Variants in DLGAP2 observed in about 807,000 individuals in gnomAD.
The protein encoded by DLGAP2 is disks large-associated protein 2.
A neutral mutation model predicts 100.3 loss-of-function variants in DLGAP2; 26 were observed. The observed-to-expected ratio is 0.26, with a 90% CI of 0.19 to 0.36. DLGAP2 has a LOEUF of 0.36. Among genes scored for constraint, DLGAP2 ranks in the 10% least tolerant of loss-of-function variants. The probability of loss-of-function intolerance (pLI) is 1.00; values close to 1 mark genes in which losing one functional copy is unlikely to be tolerated. For missense variants in DLGAP2, 1,858 were observed against 1,453.2 expected, an observed-to-expected ratio of 1.28 and a Z score of -4.53; for synonymous variants, 886 against 630.1, an observed-to-expected ratio of 1.41 and a Z score of -6.08.
chr8:981,822 C>T (rs1302285401), intron 2 of DLGAP2, among the ~76,000 whole-genome samples: 1 of 152,176 alleles, frequency 6.6e-6, no homozygotes, highest in South Asian at 2.1e-4. Flanking sequence ...TTAATCTCTT[C>T]TCAGATGTTT....
chr8:1,269,320 C>G (rs558219183), intron 3 of DLGAP2, among the ~76,000 whole-genome samples: 2 of 152,178 alleles, frequency 1.3e-5, no homozygotes, highest in South Asian at 2.1e-4. Context: ...TGCAGAGGCT[C>G]CTGGTACGGG....
intron 1 of DLGAP2, among the ~76,000 whole-genome samples, chr8:799,819 G>A (rs1796110415): frequency 1.3e-5 from 2 of 152,174 alleles, no homozygotes; most frequent in East Asian, 3.9e-4. Context: ...CTGATTGCGA[G>A]CTCCTGGGCT....
At chr8:875,292 T>C (rs1475470137) in intron 1 of DLGAP2, among the ~76,000 whole-genome samples, 1 of 152,160 alleles carries the variant, frequency 6.6e-6, no homozygotes, top group African/African-American at 2.4e-5. Context: ...TTTACTTTTT[T>C]CCCCTCATAT....
At chr8:1,666,914 C>T (rs1390743179) in intron 8 of DLGAP2, among the ~76,000 whole-genome samples, 4 of 152,108 alleles carry the variant, frequency 2.6e-5, no homozygotes, top group African/African-American at 4.8e-5. Flanking sequence ...CTGCAGCAGC[C>T]GGCAGCTGCT....
intron 2 of DLGAP2, among the ~76,000 whole-genome samples, chr8:1,031,353 A>G (rs145589155): frequency 1.2e-4 from 19 of 152,112 alleles, no homozygotes; most frequent in African/African-American, 4.3e-4. Flanking sequence ...ACAGTTGGGA[A>G]GCCCTGAGGA....
chr8:981,335 T>C (rs930189218), intron 2 of DLGAP2, among the ~76,000 whole-genome samples: 1 of 152,118 alleles, frequency 6.6e-6, no homozygotes, highest in Non-Finnish European at 1.5e-5. Flanking sequence ...ATGGGGACTT[T>C]GGCTGTGTCC....
At chr8:1,522,457 C>T (rs1800638990) in intron 4 of DLGAP2, among the ~76,000 whole-genome samples, 1 of 152,218 alleles carries the variant, frequency 6.6e-6, no homozygotes, top group African/African-American at 2.4e-5. Flanking sequence ...ATCCACAGTG[C>T]TGGGGCCAAG....
At chr8:923,581 A>C (rs1798757299) in intron 2 of DLGAP2, among the ~76,000 whole-genome samples, 1 of 152,212 alleles carries the variant, frequency 6.6e-6, no homozygotes, top group Non-Finnish European at 1.5e-5. Context: ...GGTGACGTTT[A>C]AGTGTATCTT....
intron 2 of DLGAP2, among the ~76,000 whole-genome samples, chr8:1,174,729 C>T (rs1374598125): frequency 1.3e-5 from 2 of 152,034 alleles, no homozygotes; most frequent in South Asian, 4.2e-4. Flanking sequence ...CCATCATTAC[C>T]ATGACCAAAA....
chr8:767,440 C>T (rs1333869852), intron 1 of DLGAP2, among the ~76,000 whole-genome samples: 1 of 149,708 alleles, frequency 6.7e-6, no homozygotes, highest in Non-Finnish European at 1.5e-5. Context: ...TGGCTCACTG[C>T]AAGCTCTGCC....
chr8:914,295 A>G (rs575766634), intron 2 of DLGAP2, among the ~76,000 whole-genome samples: 2 of 152,168 alleles, frequency 1.3e-5, no homozygotes, highest in African/African-American at 4.8e-5. Flanking sequence ...GCCACCTTCC[A>G]TGGGCTGGGG....
At chr8:1,524,592 C>T (rs748125166) in intron 4 of DLGAP2, among the ~76,000 whole-genome samples, 4 of 152,174 alleles carry the variant, frequency 2.6e-5, no homozygotes, top group Non-Finnish European at 4.4e-5. Context: ...CTTGTGTCCT[C>T]ACAGCGTCAT....
chr8:1,548,560 A>G lies in DLGAP2; in HGVS notation c.173-66A>G. The G allele has an allele frequency of 5.1e-6, 7 of 1,385,556 alleles. No homozygotes were observed. The South Asian group carries it at 1.0e-4, about 21-fold the overall frequency. The allele number at this position is 1,385,556 out of a possible 1,614,324, so 85.8% of individuals were successfully genotyped here. Reference sequence around the variant, plus strand: ...ATGAAGTCCACGGTGGGGGTCACATATTCCCCGCACCTGAGGGTTTCCGCC... The same window carrying G: ...ATGAAGTCCACGGTGGGGGTCACATGTTCCCCGCACCTGAGGGTTTCCGCC... On this transcript the variant is annotated intron_variant, in intron 4 of 14. Coordinates refer to ENST00000637795, the MANE Select transcript of DLGAP2 (RefSeq NM_001346810.2).
intron 2 of DLGAP2, among the ~76,000 whole-genome samples, chr8:1,067,481 T>TG (rs1188299437): frequency 1.3e-5 from 2 of 152,102 alleles, no homozygotes; most frequent in Non-Finnish European, 2.9e-5. Flanking sequence ...GAAGCCCGTG[T>TG]GGGAAGACTG....
chr8:868,244 T>C (rs1673274655), intron 1 of DLGAP2, among the ~76,000 whole-genome samples: 1 of 152,226 alleles, frequency 6.6e-6, no homozygotes, highest in South Asian at 2.1e-4. Context: ...TGGGGTCACA[T>C]GTTCTGGAAT....
At chr8:786,456 C>A (rs1821870152) in intron 1 of DLGAP2, among the ~76,000 whole-genome samples, 1 of 152,088 alleles carries the variant, frequency 6.6e-6, no homozygotes, top group Non-Finnish European at 1.5e-5. Flanking sequence ...AACTTAGAAA[C>A]GGCAGCAAGT....
intron 1 of DLGAP2, among the ~76,000 whole-genome samples, chr8:828,607 C>T (rs1457420890): frequency 6.6e-6 from 1 of 152,106 alleles, no homozygotes; most frequent in Non-Finnish European, 1.5e-5. Context: ...ATTACAGGGT[C>T]CTGAGACGAT....
intron 3 of DLGAP2, among the ~76,000 whole-genome samples, chr8:1,327,307 C>T (rs73170458): frequency 6.6e-6 from 1 of 152,174 alleles, no homozygotes; most frequent in East Asian, 1.9e-4. Context: ...AGCCTCAGAG[C>T]TCCACACCTG....
chr8:742,287 A>G (rs1214182301), intron 1 of DLGAP2, among the ~76,000 whole-genome samples: 2 of 152,228 alleles, frequency 1.3e-5, no homozygotes, highest in African/African-American at 2.4e-5. Context: ...TAAACAATGA[A>G]TAAACATTTG....
Sources: gnomAD v4.1 joint callset for allele counts (sites outside exome capture counted in the v4.1 genomes callset) on GRCh38, gnomAD v4.1.1 for gene constraint, MANE v1.5 for transcripts, NCBI Gene and HGNC (gene_info 2026-07-23, HGNC 2026-07-21) for gene names.